Variants in DPH3 observed in about 807,000 individuals in gnomAD.
The protein encoded by DPH3 is diphthamide biosynthesis 3, also known as diphthamide biosynthesis protein 3.
A neutral mutation model predicts 10.2 loss-of-function variants in DPH3; 8 were observed. The ratio of observed to expected loss-of-function variants is 0.79; its 90% CI spans 0.46 to 1.42. The LOEUF (loss-of-function observed/expected upper bound fraction) is 1.42. Ranked by LOEUF, DPH3 falls within the 40% of genes most tolerant of loss-of-function variation. The probability of loss-of-function intolerance (pLI) is 0.00; values close to 1 mark genes in which losing one functional copy is unlikely to be tolerated. For missense variants in DPH3, 96 were observed against 98.9 expected, an observed-to-expected ratio of 0.97 and a Z score of 0.12; for synonymous variants, 35 against 35.6, an observed-to-expected ratio of 0.98 and a Z score of 0.06.
chr3:16,264,531 G>A lies in DPH3; in HGVS notation c.108+238C>T, dbSNP rs750812141. ...GGGACCCTAAGGCAGGGATCGGGCA[G>A]AGAGACAGAGGCTCTCCGCCACCCT... On this transcript the variant is annotated intron_variant, in intron 1 of 2. Coordinates refer to ENST00000488423, the MANE Select transcript of DPH3 (RefSeq NM_206831.3). 156 of 584,054 alleles carry A rather than the reference G, an allele frequency of 2.7e-4. 2 individuals carry two copies. Among genetic ancestry groups the A allele is most frequent in the Middle Eastern group, 1.3e-3 (3 of 2,224 alleles). The allele number at this position is 584,054 out of a possible 1,614,324, so 36.2% of individuals were successfully genotyped here. A position where few individuals can be genotyped will look rare whatever the true frequency, so the allele number is the denominator to read the frequency against.
intron 2 of DPH3, 83 bp downstream of exon 2, chr3:16,264,072 T>G (rs773770234): frequency 1.8e-5 from 17 of 941,080 alleles, no homozygotes; most frequent in African/African-American, 4.9e-5. Flanking sequence ...AACATTCTCC[T>G]GCACTCATCA....
Position 16,263,632 on chromosome 3 carries a change from G to A in DPH3, c.183+523C>T, listed in dbSNP as rs568587958. On this transcript the variant is annotated intron_variant, in intron 2 of 2. Coordinates refer to ENST00000488423, the MANE Select transcript of DPH3 (RefSeq NM_206831.3). This position sits in a 1 kb window ranked among gnomAD's most constrained non-coding sequence, Gnocchi z 4.0. ...AAGTACTGAACAAAACTTTGGGTAG[G>A]AGTGGGCAGTAATAACATTTTTTTT... is the stretch of plus-strand genomic sequence containing the variant. Among the ~76,000 whole-genome samples the A allele has an allele frequency of 6.0e-5, 9 of 148,998 alleles. No homozygotes were observed. In the South Asian group the frequency reaches 1.9e-3, roughly 32 times the overall value.
Position 16,258,087 on chromosome 3 carries a change from T to C in DPH3, c.*2677A>G, listed in dbSNP as rs1188356854. Reference sequence around the variant, plus strand: ...GGGTACTTTTTCCAAGAAAAATGTTTCTGAATGTGCACACTAGAATATATG... The same window carrying C: ...GGGTACTTTTTCCAAGAAAAATGTTCCTGAATGTGCACACTAGAATATATG... On this transcript the variant is annotated 3_prime_UTR_variant, in exon 3 of 3. Coordinates refer to ENST00000488423, the MANE Select transcript of DPH3 (RefSeq NM_206831.3). The C allele has an allele frequency of 2.0e-5, 3 of 152,264 alleles. No individual in the cohort carries two copies. The highest frequency in any genetic ancestry group is 7.2e-5 in the African/African-American group (3 of 41,468). The allele number at this position is 152,264 out of a possible 1,614,324, so 9.4% of individuals were successfully genotyped here.
At position 16,260,659 on chromosome 3, in the gene DPH3, C is replaced by T; in HGVS notation, c.*105G>A. ...AGAAAGAATCCACACTCTTACAGAA[C>T]AGCAAATCATAAATGGTTGTCTCTG... On this transcript the variant is annotated 3_prime_UTR_variant, in exon 3 of 3. Coordinates refer to ENST00000488423, the MANE Select transcript of DPH3 (RefSeq NM_206831.3). 2.0e-6 allele frequency: 2 copies of T among 993,054 alleles called. No homozygotes were observed. Among genetic ancestry groups the T allele is most frequent in the East Asian group, 2.6e-5 (1 of 38,546 alleles). 61.5% of individuals were successfully genotyped at this position (993,054 alleles called of 1,614,324 possible).
rs2064254717 is a variant in DPH3, at chr3:16,257,071, A to G, written c.*3693T>C. Reference sequence around the variant, plus strand: ...CCCCAGGCGCCAGACTCATGAGCCAAATTAACCTTTATTCTTGATAAATTA... The same window carrying G: ...CCCCAGGCGCCAGACTCATGAGCCAGATTAACCTTTATTCTTGATAAATTA... On this transcript the variant is annotated 3_prime_UTR_variant, in exon 3 of 3. Transcript: ENST00000488423. Among the ~76,000 whole-genome samples the G allele has an allele frequency of 1.3e-5, 2 of 152,328 alleles. No homozygotes were observed. Among genetic ancestry groups the G allele is most frequent in the South Asian group, 4.1e-4 (2 of 4,830 alleles).
At position 16,259,318 on chromosome 3, in the gene DPH3, T is replaced by A. The variant is rs549056625; in HGVS notation, c.*1446A>T. On this transcript the variant is annotated 3_prime_UTR_variant, in exon 3 of 3. Coordinates refer to ENST00000488423, the MANE Select transcript of DPH3 (RefSeq NM_206831.3). ...TCGGTACATTATAATTTTTGGTAAT[T>A]TATTGTCTCAGCCTAGTGGCTGCAC... The A allele has an allele frequency of 6.6e-6, 1 of 152,354 alleles. No homozygotes were observed. The highest frequency in any genetic ancestry group is 1.9e-4 in the East Asian group (1 of 5,188). The allele number at this position is 152,354 out of a possible 1,614,324, so 9.4% of individuals were successfully genotyped here.
chr3:16,264,412 G>C, intron 1 of DPH3, 183 bp from the exon 2 acceptor site: 1 of 542,312 alleles, frequency 1.8e-6, no homozygotes, highest in African/African-American at 1.9e-5. Flanking sequence ...GTCACTTAGG[G>C]GAAACACCTA....
In DPH3 at chr3:16,257,320, A is replaced by C. The variant is rs549287086; in HGVS notation, c.*3444T>G. 6.6e-5 allele frequency among the ~76,000 whole-genome samples: 10 copies of C among 152,332 alleles called. No homozygotes were observed. The highest frequency in any genetic ancestry group is 1.5e-4 in the Non-Finnish European group (10 of 68,036). On this transcript the variant is annotated 3_prime_UTR_variant, in exon 3 of 3. Coordinates refer to ENST00000488423, the MANE Select transcript of DPH3 (RefSeq NM_206831.3). ...TGCCAGAGCTCAGACTCCCTTAAAA[A>C]GTCACCTGACCCAGTTACTCTCTCC...
In DPH3 at chr3:16,264,319, T is replaced by C. The variant is rs1256117564; in HGVS notation, c.109-90A>G. 6.8e-6 allele frequency: 7 copies of C among 1,032,134 alleles called. No individual in the cohort carries two copies. The African/African-American group carries it at 9.7e-5, about 14-fold the overall frequency. 63.9% of individuals were successfully genotyped at this position (1,032,134 alleles called of 1,614,324 possible). The stretch of plus-strand genomic sequence containing the variant: ...TATCCCACCCCTAGATGCAAGTCTC[T>C]TGGTGGCTTGCCTTCCCCCCAAGGT... On this transcript the variant is annotated intron_variant, in intron 1 of 2. Coordinates refer to ENST00000488423, the MANE Select transcript of DPH3 (RefSeq NM_206831.3).
At position 16,261,543 on chromosome 3, in the gene DPH3, T is replaced by G. The variant is rs2124932502; in HGVS notation, c.184-714A>C. Among the ~76,000 whole-genome samples, 1 of 152,334 alleles carries G rather than the reference T, an allele frequency of 6.6e-6. No homozygotes were observed. The highest frequency in any genetic ancestry group is 3.4e-3 in the Middle Eastern group (1 of 294). ...GTCCTTTTATCCCCAAGAGCACTGGTAATATCTGGAAACAGTTTGAATTGA... is the reference window on the plus strand; with the variant it reads ...GTCCTTTTATCCCCAAGAGCACTGGGAATATCTGGAAACAGTTTGAATTGA... On this transcript the variant is annotated intron_variant, in intron 2 of 2. Transcript: ENST00000488423. The surrounding 1 kb of genome is among the most constrained non-coding windows in gnomAD (Gnocchi z 7.1).
rs200497207 is a variant in DPH3 at position 16,258,602 on chromosome 3, G to GC, written c.*2161dup. On this transcript the variant is annotated 3_prime_UTR_variant, in exon 3 of 3. Coordinates refer to ENST00000488423, the MANE Select transcript of DPH3 (RefSeq NM_206831.3). ...CCTGGGCCCAAGCAATTTGCTCAAG[G>GC]CCCCACACCTTGCTAATTAAAAGAA... The GC allele has an allele frequency of 6.6e-6, 1 of 152,204 alleles. No individual in the cohort carries two copies. Among genetic ancestry groups the GC allele is most frequent in the African/African-American group, 2.4e-5 (1 of 41,438 alleles). 9.4% of individuals were successfully genotyped at this position (152,204 alleles called of 1,614,324 possible).
chr3:16,264,535 G>A, intron 1 of DPH3: 1 of 588,664 alleles, frequency 1.7e-6, no homozygotes, highest in South Asian at 2.1e-5. Flanking sequence ...CGGGCAGAGA[G>A]ACAGAGGCTC....
Position 16,264,193 on chromosome 3 carries a change from G to A in DPH3, c.145C>T (p.Pro49Ser), listed in dbSNP as rs2064346596. 4 of 1,610,994 alleles carry A rather than the reference G, an allele frequency of 2.5e-6. No individual in the cohort carries two copies. The highest frequency in any genetic ancestry group is 2.2e-5 in the South Asian group (2 of 90,818). Residue 49 changes from proline to serine, a missense_variant, in exon 2 of 3, where the codon CCT becomes TCT. Pro to Ser is a moderately conservative substitution (Grantham distance 74). Coordinates refer to ENST00000488423, the MANE Select transcript of DPH3 (RefSeq NM_206831.3). Reference protein sequence around the residue: ...LENGEDVATCPSCSLIIKVIY... With the variant: ...LENGEDVATCSSCSLIIKVIY... ...ACTTTTATAATGAGAGAGCAGCTAG[G>A]ACACGTTGCCACGTCTTCCCCATTC...
intron 1 of DPH3, chr3:16,264,481 C>T: frequency 1.8e-6 from 1 of 558,608 alleles, no homozygotes; most frequent in Non-Finnish European, 3.2e-6. Context: ...AACGAGTCCC[C>T]TCCTCGACAG....
In DPH3 at chr3:16,260,625, G is replaced by C; in HGVS notation, c.*139C>G. The C allele has an allele frequency of 1.5e-6, 1 of 655,060 alleles. No individual in the cohort carries two copies. The highest frequency in any genetic ancestry group is 2.6e-6 in the Non-Finnish European group (1 of 380,438). The allele number at this position is 655,060 out of a possible 1,614,324, so 40.6% of individuals were successfully genotyped here. On this transcript the variant is annotated 3_prime_UTR_variant, in exon 3 of 3. Coordinates refer to ENST00000488423, the MANE Select transcript of DPH3 (RefSeq NM_206831.3). ...GACTTGCTTCCTGAAGATGATATCA[G>C]CAGTTGATAGAAAGAATCCACACTC...
At position 16,264,749 on chromosome 3, in the gene DPH3, G is replaced by T. The variant is rs759211235; in HGVS notation, c.108+20C>A. 4.3e-6 allele frequency: 7 copies of T among 1,612,550 alleles called. No homozygotes were observed. The South Asian group carries it at 7.7e-5, about 18-fold the overall frequency. On this transcript the variant is annotated intron_variant, in intron 1 of 2. Coordinates refer to ENST00000488423, the MANE Select transcript of DPH3 (RefSeq NM_206831.3). ...ACTGCGCTTGCTTGGGTGAACCGCC[G>T]GGCGGGACCCTGAAGTTACCTTGGT...
In DPH3 at chr3:16,263,011, C is replaced by T. The variant is rs1304986035; in HGVS notation, c.183+1144G>A. Among the ~76,000 whole-genome samples the T allele has an allele frequency of 6.6e-6, 1 of 152,162 alleles. No individual in the cohort carries two copies. ...ACTGGTTTTCCTGTTTCTATGCTTGCTCTCTATAGGCTACTCTGAACACAG... is the reference window on the plus strand; with the variant it reads ...ACTGGTTTTCCTGTTTCTATGCTTGTTCTCTATAGGCTACTCTGAACACAG... On this transcript the variant is annotated intron_variant, in intron 2 of 2. Transcript: ENST00000488423. This position sits in a 1 kb window ranked among gnomAD's most constrained non-coding sequence, Gnocchi z 4.0.
chr3:16,258,473 C>T lies in DPH3; in HGVS notation c.*2291G>A, dbSNP rs1013826946. 6.6e-6 allele frequency: 1 copy of T among 152,244 alleles called. No individual in the cohort carries two copies. The highest frequency in any genetic ancestry group is 2.4e-5 in the African/African-American group (1 of 41,454). The allele number at this position is 152,244 out of a possible 1,614,324, so 9.4% of individuals were successfully genotyped here. A position where few individuals can be genotyped will look rare whatever the true frequency, so the allele number is the denominator to read the frequency against. On this transcript the variant is annotated 3_prime_UTR_variant, in exon 3 of 3. Coordinates refer to ENST00000488423, the MANE Select transcript of DPH3 (RefSeq NM_206831.3). ...CAGAACTTTAGTCGTATCTCAGAGT[C>T]CAGTTTTACTCTGCTTTCTCTTTAT...
In DPH3 at chr3:16,262,623, A is replaced by G. The variant is rs1475649980; in HGVS notation, c.183+1532T>C. On this transcript the variant is annotated intron_variant, in intron 2 of 2. Coordinates refer to ENST00000488423, the MANE Select transcript of DPH3 (RefSeq NM_206831.3). The surrounding 1 kb of genome is among the most constrained non-coding windows in gnomAD (Gnocchi z 4.7). ...GTCTCATCCAATCTCATGGCTCTAA[A>G]TGCTATCTGTTACTGATAACTCCCA... Among the ~76,000 whole-genome samples the G allele has an allele frequency of 6.6e-6, 1 of 152,102 alleles. No homozygotes were observed. The highest frequency in any genetic ancestry group is 1.5e-5 in the Non-Finnish European group (1 of 68,002).
Sources: allele counts gnomAD v4.1 joint callset (sites outside exome capture counted in the v4.1 genomes callset), GRCh38; gene constraint gnomAD v4.1.1; non-coding constraint Gnocchi (gnomAD v3.1); transcripts MANE v1.5; gene names NCBI Gene and HGNC (gene_info 2026-07-23, HGNC 2026-07-21).